The following SMARCA5 variants were observed in gnomAD, a reference collection of about 807,000 sequenced individuals.
SMARCA5 encodes the protein SNF2 related chromatin remodeling ATPase 5.
A neutral mutation model predicts 140.4 loss-of-function variants in SMARCA5; 18 were observed. That is an observed-to-expected ratio of 0.13 (90% CI 0.09 to 0.19). The LOEUF is 0.19. Ranked by LOEUF, SMARCA5 falls within the 10% of genes least tolerant of loss-of-function variation. The pLI, the probability that SMARCA5 is intolerant of heterozygous loss-of-function variation, is 1.00. For synonymous variants in SMARCA5, 449 were observed against 419.6 expected, an observed-to-expected ratio of 1.07 and a Z score of -0.86; for missense variants, 606 against 1,276.8, an observed-to-expected ratio of 0.47 and a Z score of 8.01.
intron 2 of SMARCA5, among the ~76,000 whole-genome samples, chr4:143,519,350 C>T (rs1736908782): frequency 6.6e-6 from 1 of 152,096 alleles, no homozygotes; most frequent in Non-Finnish European, 1.5e-5. Flanking sequence ...TTTTCCATAT[C>T]ACCCTAGTTT....
Position 143,543,967 on chromosome 4 carries a change from C to A in SMARCA5, c.2167C>A (p.Gln723Lys). The A allele has an allele frequency of 6.4e-7, 1 of 1,553,024 alleles. No individual in the cohort carries two copies. The highest frequency in any genetic ancestry group is 1.2e-5 in the South Asian group (1 of 80,442). Residue 723 changes from glutamine to lysine, a missense_variant, in exon 16 of 24, where the codon CAA becomes AAA. This residue lies in a region of SMARCA5 where 62 missense variants were observed against 256.6 expected (regional missense o/e 0.24). Coordinates refer to ENST00000283131, the MANE Select transcript of SMARCA5 (RefSeq NM_003601.4). ...CGAAGGAGAAGACTATAGAGAAAAACAAAAGGTAATTTAGAAATAGGTTTG... is the reference window on the plus strand; with the variant it reads ...CGAAGGAGAAGACTATAGAGAAAAAAAAAAGGTAATTTAGAAATAGGTTTG... ...NFEGEDYREK[Q>K]KIAFTEWIEP...
At position 143,545,463 on chromosome 4, in the gene SMARCA5, T is replaced by G; in HGVS notation, c.2284-7T>G. The G allele has an allele frequency of 6.3e-7, 1 of 1,587,636 alleles. No individual in the cohort carries two copies. The highest frequency in any genetic ancestry group is 8.6e-7 in the Non-Finnish European group (1 of 1,157,446). ...TATGGATAACACTTATTTTTGTTTT[T>G]CTTTAGGCTCCTCGACCTCCAAAAC... On this transcript the variant is annotated splice_polypyrimidine_tract_variant and splice_region_variant and intron_variant, in intron 17 of 23. Transcript: ENST00000283131.
rs1737468419 is a variant in SMARCA5 at position 143,543,435 on chromosome 4, T to C, written c.1904-74T>C. The C allele has an allele frequency of 2.5e-6, 3 of 1,193,388 alleles. 1 individual carries two copies. In the Admixed American group the frequency reaches 6.6e-5, roughly 26 times the overall value. The allele number at this position is 1,193,388 out of a possible 1,614,324, so 73.9% of individuals were successfully genotyped here. A position where few individuals can be genotyped will look rare whatever the true frequency, so the allele number is the denominator to read the frequency against. On this transcript the variant is annotated intron_variant, in intron 14 of 23. Coordinates refer to ENST00000283131, the MANE Select transcript of SMARCA5 (RefSeq NM_003601.4). ...GATAAAATTATAAAGCATTAAACCT[T>C]ACATTTAAAGTTTCAAGTTTCCAGT...
intron 1 of SMARCA5, among the ~76,000 whole-genome samples, chr4:143,515,537 C>T (rs1002907859): frequency 6.6e-6 from 1 of 152,162 alleles, no homozygotes; most frequent in Admixed American, 6.6e-5. Flanking sequence ...CTCAGCTTCT[C>T]AAAGGGGTCT....
chr4:143,524,552 T>C, intron 4 of SMARCA5, 85 bp downstream of exon 4: 1 of 797,698 alleles, frequency 1.3e-6, no homozygotes. Context: ...TTGGCTACTA[T>C]TTGTGAAGCA....
At chr4:143,528,275 T>G (rs1221795731) in intron 7 of SMARCA5, among the ~76,000 whole-genome samples, 6 of 152,138 alleles carry the variant, frequency 3.9e-5, no homozygotes, top group Admixed American at 3.9e-4. Flanking sequence ...GCATGTGGTG[T>G]TCCCCTCCCT....
intron 2 of SMARCA5, among the ~76,000 whole-genome samples, chr4:143,520,940 A>G (rs1736944801): frequency 6.6e-6 from 1 of 152,206 alleles, no homozygotes; most frequent in Non-Finnish European, 1.5e-5. Flanking sequence ...CTAATGAATG[A>G]GCACTGCATT....
chr4:143,537,363 A>G (rs1446348293), intron 11 of SMARCA5, among the ~76,000 whole-genome samples: 3 of 152,210 alleles, frequency 2.0e-5, no homozygotes, highest in African/African-American at 7.2e-5. Flanking sequence ...GTGCAGATTC[A>G]AGTTTGTGTT....
At chr4:143,543,455 TC>T in intron 14 of SMARCA5, 53 bp from the exon 15 acceptor site, 1 of 1,446,938 alleles carries the variant, frequency 6.9e-7, no homozygotes, top group Non-Finnish European at 9.4e-7. Context: ...GTTTCAAGTT[TC>T]CAGTAAAATA....
intron 2 of SMARCA5, among the ~76,000 whole-genome samples, chr4:143,519,950 T>C (rs1332572275): frequency 1.3e-5 from 2 of 152,146 alleles, no homozygotes; most frequent in East Asian, 1.9e-4. Context: ...TTCAAACATA[T>C]GTATAGCCTC....
At chr4:143,522,782 CTTCTT>C (rs1346881198) in intron 3 of SMARCA5, among the ~76,000 whole-genome samples, 2 of 152,074 alleles carry the variant, frequency 1.3e-5, no homozygotes, top group African/African-American at 2.4e-5. Context: ...AAAAGAAACA[CTTCTT>C]TTATTCTTTT....
chr4:143,547,460 G>A lies in SMARCA5; in HGVS notation c.2729G>A (p.Arg910Lys). The A allele has an allele frequency of 6.2e-7, 1 of 1,608,936 alleles. No homozygotes were observed. The highest frequency in any genetic ancestry group is 8.5e-7 in the Non-Finnish European group (1 of 1,175,760). The change falls in exon 21 of 24, where the codon AGA (arginine) becomes AAA (lysine). Residue 910 changes from arginine (R) to lysine (K), a missense_variant. Transcript: ENST00000283131. The stretch of plus-strand genomic sequence containing the variant: ...GCTCAGATTGAAAGGGGAGAGGCGA[G>A]AATTCAAAGAAGAATAAGCATCAAG... ...IMAQIERGEA[R>K]IQRRISIKKA...
chr4:143,544,982 C>T (rs1434123824), intron 17 of SMARCA5, 135 bp downstream of exon 17: 2 of 529,750 alleles, frequency 3.8e-6, no homozygotes, highest in Non-Finnish European at 6.5e-6. Context: ...GAGTCTCACT[C>T]TGTTACCAGG....
chr4:143,545,967 AAAG>A lies in SMARCA5; in HGVS notation c.2446_2448del (p.Glu816del), dbSNP rs767895305. 5.3e-5 allele frequency: 85 copies of A among 1,609,860 alleles called. No homozygotes were observed. Among genetic ancestry groups the A allele is most frequent in the Non-Finnish European group, 3.0e-5 (35 of 1,177,692 alleles). ...GCTGCCTAATGCAGCACAGGCACAA[AAAG>A]AAGAACAGCTTAAAATTGATGAAGC... On this transcript the variant is annotated inframe_deletion, in exon 19 of 24. Transcript: ENST00000283131.
At chr4:143,549,070 G>C (rs923750702) in intron 22 of SMARCA5, among the ~76,000 whole-genome samples, 5 of 152,060 alleles carry the variant, frequency 3.3e-5, no homozygotes, top group African/African-American at 1.2e-4. Context: ...TTCTTCTTAA[G>C]TGGGAACAAT....
At chr4:143,540,154 T>C (rs1301275161) in intron 13 of SMARCA5, among the ~76,000 whole-genome samples, 1 of 152,234 alleles carries the variant, frequency 6.6e-6, no homozygotes, top group Non-Finnish European at 1.5e-5. Flanking sequence ...TTAAAAATTA[T>C]AATGTTGTAT....
At position 143,540,363 on chromosome 4, in the gene SMARCA5, G is replaced by T; in HGVS notation, c.1771G>T (p.Asp591Tyr). ...CAAAATAACATGGTAATTTATTTAG[G>T]ACCGAGCACATAGAATTGGGCAGAC... Reference protein sequence around the residue: ...WNPQVDLQAMDRAHRIGQTKT... With the variant: ...WNPQVDLQAMYRAHRIGQTKT... The change falls in exon 14 of 24, where the codon GAC becomes TAC. Residue 591 changes from aspartate to tyrosine, a missense_variant and splice_region_variant. This residue lies in a region of SMARCA5 where 62 missense variants were observed against 256.6 expected (regional missense o/e 0.24). Coordinates refer to ENST00000283131, the MANE Select transcript of SMARCA5 (RefSeq NM_003601.4). The T allele has an allele frequency of 6.2e-7, 1 of 1,600,624 alleles. No homozygotes were observed. The highest frequency in any genetic ancestry group is 1.1e-5 in the South Asian group (1 of 88,628).
At position 143,553,928 on chromosome 4, in the gene SMARCA5, G is replaced by T. The variant is rs1737696325; in HGVS notation, c.*744G>T. On this transcript the variant is annotated 3_prime_UTR_variant, in exon 24 of 24. Transcript: ENST00000283131. The stretch of plus-strand genomic sequence containing the variant: ...TTATTTGGTAAATATTTTGTCATAT[G>T]ACCTTCTGAAGCAGCCACAACTTAG... 1 of 150,484 alleles carries T rather than the reference G, an allele frequency of 6.6e-6. No homozygotes were observed. Among genetic ancestry groups the T allele is most frequent in the African/African-American group, 2.4e-5 (1 of 41,022 alleles). The allele number at this position is 150,484 out of a possible 1,614,324, so 9.3% of individuals were successfully genotyped here.
At chr4:143,515,361 C>T (rs62337401) in intron 1 of SMARCA5, among the ~76,000 whole-genome samples, 35,153 of 151,996 alleles carry the variant, frequency 0.23, 4,444 homozygotes, top group East Asian at 0.6. Flanking sequence ...AAGATTACTT[C>T]CAAATTAAAA....
Sources: allele counts gnomAD v4.1 joint callset (sites outside exome capture counted in the v4.1 genomes callset), GRCh38; gene constraint gnomAD v4.1.1; regional missense constraint gnomAD v4.1.1; transcripts MANE v1.5; gene names NCBI Gene and HGNC (gene_info 2026-07-23, HGNC 2026-07-21).